Variants in GRIA2 observed in about 807,000 individuals in gnomAD.
GRIA2 encodes glutamate receptor 2.
Under a neutral mutation model 97.3 loss-of-function variants are expected in GRIA2, and 14 were observed. That is an observed-to-expected ratio of 0.14 (90% CI 0.10 to 0.23). The LOEUF is 0.23. Ranked by LOEUF, GRIA2 falls within the 10% of genes least tolerant of loss-of-function variation. The pLI, the probability that GRIA2 is intolerant of heterozygous loss-of-function variation, is 1.00. For synonymous variants in GRIA2, 412 were observed against 387.8 expected (o/e 1.06, Z -0.73); for missense variants, 558 against 1,069.8 (o/e 0.52, Z 6.67).
chr4:157,328,153 C>T (rs1283475874), intron 6 of GRIA2, among the ~76,000 whole-genome samples: 1 of 151,746 alleles, frequency 6.6e-6, no homozygotes, highest in East Asian at 1.9e-4. Flanking sequence ...TATATCACAC[C>T]ATTAAAAATA....
intron 12 of GRIA2, among the ~76,000 whole-genome samples, chr4:157,343,200 A>C (rs1291268736): frequency 6.6e-6 from 1 of 152,040 alleles, no homozygotes; most frequent in African/African-American, 2.4e-5. Context: ...GTGATGTTGG[A>C]TAGTTAGGCA....
At chr4:157,260,073 T>A (rs1313447952) in intron 2 of GRIA2, among the ~76,000 whole-genome samples, 2 of 152,132 alleles carry the variant, frequency 1.3e-5, no homozygotes, top group Non-Finnish European at 2.9e-5. Context: ...CCTTATGATT[T>A]GTTCTACACA....
chr4:157,271,775 C>T (rs1024930671), intron 2 of GRIA2, among the ~76,000 whole-genome samples: 5 of 152,058 alleles, frequency 3.3e-5, no homozygotes, highest in Admixed American at 1.3e-4. Flanking sequence ...TAGCCTCTGT[C>T]CTGAAGCTAC....
intron 2 of GRIA2, among the ~76,000 whole-genome samples, chr4:157,231,497 G>C (rs1730017780): frequency 6.6e-6 from 1 of 152,028 alleles, no homozygotes; most frequent in Non-Finnish European, 1.5e-5. Flanking sequence ...ATTTCTCTGA[G>C]GAAAAAACAC....
At chr4:157,221,853 C>T (rs760528220) in intron 2 of GRIA2, 46 bp downstream of exon 2, 2 of 1,579,804 alleles carry the variant, frequency 1.3e-6, no homozygotes, top group Admixed American at 3.3e-5. Flanking sequence ...ACGCGGAAGG[C>T]CAGCGAGTGT....
chr4:157,324,992 C>T (rs1201657387), intron 6 of GRIA2, among the ~76,000 whole-genome samples: 1 of 152,136 alleles, frequency 6.6e-6, no homozygotes, highest in Non-Finnish European at 1.5e-5. Flanking sequence ...ATTCATATCA[C>T]ATTTTACTAC....
rs942015945 is a variant in GRIA2 at position 157,289,720 on chromosome 4, T to C, written c.230-13832T>C. ...ATTATTTGTCTTATTTGGATGCATATCATACAGTAGCATGCAAGCACACAG... is the reference window on the plus strand; with the variant it reads ...ATTATTTGTCTTATTTGGATGCATACCATACAGTAGCATGCAAGCACACAG... On this transcript the variant is annotated intron_variant, in intron 2 of 15. Transcript: ENST00000264426. Among the ~76,000 whole-genome samples the C allele has an allele frequency of 2.6e-5, 4 of 151,746 alleles. No homozygotes were observed. The Admixed American group carries it at 2.6e-4, about 10-fold the overall frequency.
intron 1 of GRIA2, 62 bp downstream of exon 1, chr4:157,221,192 AG>A (rs1389883536): frequency 5.7e-6 from 5 of 872,340 alleles, no homozygotes. Flanking sequence ...CTTTGTTCAC[AG>A]TGTACAAATT....
intron 2 of GRIA2, among the ~76,000 whole-genome samples, chr4:157,260,829 T>C (rs1293488132): frequency 6.6e-6 from 1 of 151,900 alleles, no homozygotes; most frequent in African/African-American, 2.4e-5. Flanking sequence ...TCCTCTTTCT[T>C]CCTTCTTTTT....
chr4:157,321,634 A>C, intron 6 of GRIA2, 35 bp downstream of exon 6: 1 of 1,478,704 alleles, frequency 6.8e-7, no homozygotes, highest in Non-Finnish European at 9.3e-7. Flanking sequence ...TTTTTCTTTC[A>C]TATGTGAGGA....
At chr4:157,346,407 A>G (rs1022121291) in intron 12 of GRIA2, among the ~76,000 whole-genome samples, 2 of 152,098 alleles carry the variant, frequency 1.3e-5, no homozygotes, top group Non-Finnish European at 2.9e-5. Context: ...TATTCCTGAT[A>G]TTGCTAATGA....
chr4:157,354,934 A>C (rs1212461273), intron 12 of GRIA2, among the ~76,000 whole-genome samples: 1 of 152,192 alleles, frequency 6.6e-6, no homozygotes, highest in Non-Finnish European at 1.5e-5. Flanking sequence ...AAAATAAGGA[A>C]GGGGTAACTA....
intron 12 of GRIA2, among the ~76,000 whole-genome samples, chr4:157,353,788 G>C (rs1488597403): frequency 6.6e-6 from 1 of 152,112 alleles, no homozygotes; most frequent in Non-Finnish European, 1.5e-5. Context: ...CATTATTTTA[G>C]TGTTAGAAGT....
intron 2 of GRIA2, among the ~76,000 whole-genome samples, chr4:157,276,146 C>T (rs1357856059): frequency 6.6e-6 from 1 of 152,080 alleles, no homozygotes; most frequent in Non-Finnish European, 1.5e-5. Context: ...GGAGTTCACT[C>T]ATGATTTGGC....
At chr4:157,339,455 A>G (rs1280970357) in intron 11 of GRIA2, among the ~76,000 whole-genome samples, 2 of 152,004 alleles carry the variant, frequency 1.3e-5, no homozygotes, top group African/African-American at 4.8e-5. Flanking sequence ...CTTTAAAAAT[A>G]CTTAAAAGTA....
rs1184128655 is a variant in GRIA2, at chr4:157,220,782, A to G, written c.-261A>G. ...GAATATTCCGAGACACTGGGACCACAGCGGCAGCTCCGCTGAAAACTGCAT... is the reference window on the plus strand; with the variant it reads ...GAATATTCCGAGACACTGGGACCACGGCGGCAGCTCCGCTGAAAACTGCAT... On this transcript the variant is annotated 5_prime_UTR_variant, in exon 1 of 16. Coordinates refer to ENST00000264426, the MANE Select transcript of GRIA2 (RefSeq NM_001083619.3). 1 of 531,940 alleles carries G rather than the reference A, an allele frequency of 1.9e-6. No homozygotes were observed. Among genetic ancestry groups the G allele is most frequent in the Admixed American group, 3.2e-5 (1 of 31,080 alleles). 33.0% of individuals were successfully genotyped at this position (531,940 alleles called of 1,614,324 possible). A position where few individuals can be genotyped will look rare whatever the true frequency, so the allele number is the denominator to read the frequency against.
At position 157,361,883 on chromosome 4, in the gene GRIA2, G is replaced by T. The variant is rs1435807326; in HGVS notation, c.2406+759G>T. On this transcript the variant is annotated intron_variant, in intron 14 of 15. Transcript: ENST00000264426. This position sits in a 1 kb window ranked among gnomAD's most constrained non-coding sequence, Gnocchi z 5.2. The stretch of plus-strand genomic sequence containing the variant: ...ATTTAATATATTTATTTCAGTCTGT[G>T]TTCATGTCTAACTCATACATAATAG... Among the ~76,000 whole-genome samples, 2 of 152,168 alleles carry T rather than the reference G, an allele frequency of 1.3e-5. No individual in the cohort carries two copies. Among genetic ancestry groups the T allele is most frequent in the African/African-American group, 2.4e-5 (1 of 41,518 alleles).
chr4:157,224,429 T>C (rs1729651528), intron 2 of GRIA2, among the ~76,000 whole-genome samples: 1 of 152,164 alleles, frequency 6.6e-6, no homozygotes, highest in African/African-American at 2.4e-5. Context: ...ATTAACTCAT[T>C]GACTGGGCAA....
chr4:157,229,439 T>G (rs1280544586), intron 2 of GRIA2, among the ~76,000 whole-genome samples: 1 of 152,104 alleles, frequency 6.6e-6, no homozygotes, highest in Non-Finnish European at 1.5e-5. Context: ...CACAACAGAG[T>G]CTTGAAATTT....
Sources: allele counts gnomAD v4.1 joint callset (sites outside exome capture counted in the v4.1 genomes callset), GRCh38; gene constraint gnomAD v4.1.1; non-coding constraint Gnocchi (gnomAD v3.1); transcripts MANE v1.5; gene names NCBI Gene and HGNC (gene_info 2026-07-23, HGNC 2026-07-21).